The following SLC35F3 variants were observed in gnomAD, a reference collection of about 807,000 sequenced individuals.
The protein encoded by SLC35F3 is putative thiamine transporter SLC35F3.
In SLC35F3, 25 loss-of-function variants were observed where a neutral mutation model predicts 49.9. That is an observed-to-expected ratio of 0.50 (90% CI 0.37 to 0.70). The LOEUF is 0.70. Ranked by LOEUF, SLC35F3 falls within the 30% of genes least tolerant of loss-of-function variation. SLC35F3 has a pLI of 0.00. For missense variants in SLC35F3, 525 were observed against 639.8 expected, an observed-to-expected ratio of 0.82 and a Z score of 1.94; for synonymous variants, 275 against 265.4, an observed-to-expected ratio of 1.04 and a Z score of -0.35.
chr1:233,960,872 T>A (rs1662788492), intron 2 of SLC35F3, among the ~76,000 whole-genome samples: 2 of 152,026 alleles, frequency 1.3e-5, no homozygotes, highest in Admixed American at 1.3e-4. Context: ...GCTGAGAGCA[T>A]CAGCTGCATT....
At chr1:234,004,346 G>A (rs1463826041) in intron 2 of SLC35F3, among the ~76,000 whole-genome samples, 2 of 152,088 alleles carry the variant, frequency 1.3e-5, no homozygotes, top group Non-Finnish European at 2.9e-5. Context: ...ATATATCTCA[G>A]AAATATTTCT....
At chr1:234,018,240 C>T (rs553232512) in intron 2 of SLC35F3, among the ~76,000 whole-genome samples, 19 of 152,264 alleles carry the variant, frequency 1.2e-4, no homozygotes, top group Admixed American at 9.2e-4. Flanking sequence ...TAATGAGGAT[C>T]CACTGTATCT....
rs1422736286 is a variant in SLC35F3, at chr1:234,214,598, G to T, written c.284-16819G>T. 1 of 1,520,488 alleles carries T rather than the reference G, an allele frequency of 6.6e-7. No individual in the cohort carries two copies. The allele number at this position is 1,520,488 out of a possible 1,614,324, so 94.2% of individuals were successfully genotyped here. On this transcript the variant is annotated intron_variant, in intron 2 of 7. Transcript: ENST00000366618. This position sits in a 1 kb window ranked among gnomAD's most constrained non-coding sequence, Gnocchi z 8.0. ...AGGTAATGCGCGGCCGCCTCGCCCC[G>T]GGGGTCCCTGCACCCTAGCCGGGGA... is the stretch of plus-strand genomic sequence containing the variant.
intron 2 of SLC35F3, among the ~76,000 whole-genome samples, chr1:234,154,743 A>G (rs966644700): frequency 6.6e-6 from 1 of 152,234 alleles, no homozygotes; most frequent in Non-Finnish European, 1.5e-5. Flanking sequence ...ATGGGATGCC[A>G]CCATAATCTT....
At chr1:234,134,910 CG>C (rs1456030650) in intron 2 of SLC35F3, among the ~76,000 whole-genome samples, 1 of 151,844 alleles carries the variant, frequency 6.6e-6, no homozygotes, top group Non-Finnish European at 1.5e-5. Context: ...TTAGTAGAGA[CG>C]GGGTTTAGCT....
At chr1:234,032,265 A>C (rs1026886212) in intron 2 of SLC35F3, among the ~76,000 whole-genome samples, 1 of 152,178 alleles carries the variant, frequency 6.6e-6, no homozygotes, top group African/African-American at 2.4e-5. Flanking sequence ...TGTTTATATT[A>C]TTATAAGTCA....
At chr1:234,246,756 GC>G (rs1667637030) in intron 3 of SLC35F3, among the ~76,000 whole-genome samples, 1 of 152,198 alleles carries the variant, frequency 6.6e-6, no homozygotes, top group African/African-American at 2.4e-5. Flanking sequence ...AACAGAAACA[GC>G]CATATGCTGA....
chr1:234,175,662 CAAAAA>C (rs35257762), intron 2 of SLC35F3, among the ~76,000 whole-genome samples: 90 of 98,692 alleles, frequency 9.1e-4, no homozygotes, highest in African/African-American at 3.3e-3. Context: ...GACCCTGTCT[CAAAAA>C]AAAAAAAAAA....
At position 233,922,170 on chromosome 1, in the gene SLC35F3, G is replaced by C. The variant is rs112805711; in HGVS notation, c.283+16412G>C. Among the ~76,000 whole-genome samples the C allele has an allele frequency of 6.1e-3, 923 of 152,310 alleles. 10 individuals carry two copies. Among genetic ancestry groups the C allele is most frequent in the African/African-American group, 0.021 (864 of 41,560 alleles). On this transcript the variant is annotated intron_variant, in intron 2 of 7. Coordinates refer to ENST00000366618, the MANE Select transcript of SLC35F3 (RefSeq NM_173508.4). ...TGGGTATATACCCAGTAATGGGATG[G>C]CTGGGTCAAATGGTATTTCTAGTTC...
rs1159984254 is a variant in SLC35F3, at chr1:233,904,696, G to T, written c.-382G>T. Among the ~76,000 whole-genome samples, 1 of 151,860 alleles carries T rather than the reference G, an allele frequency of 6.6e-6. No homozygotes were observed. The highest frequency in any genetic ancestry group is 2.4e-5 in the African/African-American group (1 of 41,410). ...GCCCCGACCCGACGCCTCCCCGCCC[G>T]ACCAGGTGCCTCGAGAGCGCACAGC... On this transcript the variant is annotated 5_prime_UTR_variant, in exon 1 of 8. Coordinates refer to ENST00000366618, the MANE Select transcript of SLC35F3 (RefSeq NM_173508.4).
Position 233,918,816 on chromosome 1 carries a change from CTATATATA to C in SLC35F3, c.283+13070_283+13077del, listed in dbSNP as rs35271968. ...TCTCTCTTTCTCTCTCTCTCTCTCT[CTATATATA>C]TATATATATATTTGTGTGTTTGTGT... On this transcript the variant is annotated intron_variant, in intron 2 of 7. Coordinates refer to ENST00000366618, the MANE Select transcript of SLC35F3 (RefSeq NM_173508.4). Among the ~76,000 whole-genome samples the C allele has an allele frequency of 7.4e-3, 1,035 of 140,498 alleles. 3 individuals carry two copies. Among genetic ancestry groups the C allele is most frequent in the Admixed American group, 0.015 (227 of 14,704 alleles). 92.2% of individuals were successfully genotyped at this position (140,498 alleles called of 152,430 possible).
intron 2 of SLC35F3, among the ~76,000 whole-genome samples, chr1:234,017,268 G>A (rs1398027224): frequency 6.6e-6 from 1 of 152,084 alleles, no homozygotes; most frequent in Non-Finnish European, 1.5e-5. Flanking sequence ...TTATTCAAGT[G>A]GTGATGTTCT....
chr1:234,220,631 C>A (rs1400445285), intron 2 of SLC35F3, among the ~76,000 whole-genome samples: 1 of 152,112 alleles, frequency 6.6e-6, no homozygotes, highest in African/African-American at 2.4e-5. Context: ...ATGTGGTATG[C>A]CCACGTCCTA....
At chr1:233,975,726 C>T (rs906556329) in intron 2 of SLC35F3, among the ~76,000 whole-genome samples, 3 of 152,132 alleles carry the variant, frequency 2.0e-5, no homozygotes, top group South Asian at 2.1e-4. Context: ...CGACATGCGT[C>T]GGCCAGCACC....
intron 2 of SLC35F3, among the ~76,000 whole-genome samples, chr1:234,085,317 A>G (rs909823089): frequency 2.6e-5 from 4 of 152,178 alleles, no homozygotes; most frequent in Admixed American, 6.5e-5. Flanking sequence ...GCAGCTATGG[A>G]TATTTCCCCA....
At chr1:234,316,849 C>G (rs781702209) in intron 5 of SLC35F3, 122 bp downstream of exon 5, 24 of 1,270,962 alleles carry the variant, frequency 1.9e-5, no homozygotes, top group Non-Finnish European at 2.6e-5. Flanking sequence ...TCAGGACAGG[C>G]AGCTCTAGAT....
intron 2 of SLC35F3, among the ~76,000 whole-genome samples, chr1:234,228,890 C>T (rs1406606383): frequency 1.3e-5 from 2 of 152,090 alleles, no homozygotes; most frequent in Non-Finnish European, 2.9e-5. Flanking sequence ...ATAAAGAATA[C>T]TTTTTATTTA....
At position 234,047,179 on chromosome 1, in the gene SLC35F3, A is replaced by T. The variant is rs551865948; in HGVS notation, c.283+141421A>T. ...ATAATGAGTTCTCTAATATGTGAAC[A>T]TGATATGTCTCTCCATTTATTCATT... On this transcript the variant is annotated intron_variant, in intron 2 of 7. Transcript: ENST00000366618. 2.0e-5 allele frequency among the ~76,000 whole-genome samples: 3 copies of T among 152,372 alleles called. No homozygotes were observed. In the South Asian group the frequency reaches 6.2e-4, roughly 32 times the overall value.
At chr1:233,948,035 T>TA (rs1662541452) in intron 2 of SLC35F3, among the ~76,000 whole-genome samples, 42 of 148,598 alleles carry the variant, frequency 2.8e-4, no homozygotes, top group Admixed American at 1.3e-3. Flanking sequence ...GAAAAATTAT[T>TA]TAAAAAAAAA....
Sources: allele counts gnomAD v4.1 joint callset (sites outside exome capture counted in the v4.1 genomes callset), GRCh38; gene constraint gnomAD v4.1.1; non-coding constraint Gnocchi (gnomAD v3.1); transcripts MANE v1.5; gene names NCBI Gene and HGNC (gene_info 2026-07-23, HGNC 2026-07-21).